The following KMT2E variants were observed in gnomAD, a reference collection of about 807,000 sequenced individuals.
KMT2E encodes the protein lysine methyltransferase 2E (inactive), also known as histone reader KMT2E.
Under a neutral mutation model 184.6 loss-of-function variants are expected in KMT2E, and 30 were observed. That is an observed-to-expected ratio of 0.16 (90% CI 0.12 to 0.22). KMT2E has a LOEUF of 0.22. KMT2E is among the 10% of genes least tolerant of loss of function. The pLI is 1.00. For missense variants in KMT2E, 2,023 were observed against 2,237.4 expected (o/e 0.90, Z 1.93); for synonymous variants, 815 against 776.5 (o/e 1.05, Z -0.82).
intron 20 of KMT2E, 77 bp from the exon 21 acceptor site, chr7:105,107,078 TTTTTCATTTTG>T: frequency 2.6e-6 from 2 of 777,482 alleles, no homozygotes; most frequent in Non-Finnish European, 4.1e-6. Context: ...AGTCTGTATA[TTTTTCATTTTG>T]TTTTCATTTC....
intron 17 of KMT2E, chr7:105,102,849 A>G (rs1798713207): frequency 1.3e-5 from 2 of 152,196 alleles, no homozygotes; most frequent in African/African-American, 2.4e-5. Context: ...TTACTTTGAA[A>G]TTTCATTTAT....
intron 4 of KMT2E, 124 bp from the exon 5 acceptor site, chr7:105,063,227 G>A: frequency 3.0e-6 from 2 of 658,438 alleles, no homozygotes; most frequent in Admixed American, 3.5e-5. Flanking sequence ...TATTAAGGAA[G>A]GAATGAGCCA....
chr7:105,046,902 C>G (rs547246483), intron 3 of KMT2E, among the ~76,000 whole-genome samples: 3 of 152,106 alleles, frequency 2.0e-5, no homozygotes, highest in African/African-American at 7.2e-5. Context: ...ATCCCAAGAC[C>G]GTCCACAGGC....
intron 3 of KMT2E, among the ~76,000 whole-genome samples, chr7:105,046,288 T>G (rs1283003571): frequency 3.3e-5 from 5 of 152,330 alleles, no homozygotes; most frequent in Non-Finnish European, 7.3e-5. Context: ...ATAAGTCATT[T>G]AATTTTCCCA....
At chr7:105,021,155 G>T (rs1298335403) in intron 1 of KMT2E, among the ~76,000 whole-genome samples, 2 of 152,198 alleles carry the variant, frequency 1.3e-5, no homozygotes, top group East Asian at 3.8e-4. Flanking sequence ...GAATGGTTAG[G>T]ACTGTGGTCC....
At chr7:105,083,141 A>C (rs1171843825) in intron 13 of KMT2E, among the ~76,000 whole-genome samples, 1 of 152,012 alleles carries the variant, frequency 6.6e-6, no homozygotes, top group East Asian at 1.9e-4. Context: ...GACACAGTTC[A>C]CTCCAGCAGG....
At chr7:105,109,404 C>T (rs1267164275) in intron 23 of KMT2E, among the ~76,000 whole-genome samples, 176 bp downstream of exon 23, 3 of 152,144 alleles carry the variant, frequency 2.0e-5, no homozygotes, top group Non-Finnish European at 4.4e-5. Flanking sequence ...TCTTAAATGT[C>T]GATTGTATTT....
rs1452411564 is a variant in KMT2E, at chr7:105,087,449, A to G, written c.1359-2560A>G. ...TTTTTTTGTTTTTTTTTTGAGATGG[A>G]GTCTTGCTCTGTCACCCAGGCTGGA... On this transcript the variant is annotated intron_variant, in intron 13 of 26. Coordinates refer to ENST00000311117, the MANE Select transcript of KMT2E (RefSeq NM_182931.3). Among the ~76,000 whole-genome samples, 3 of 144,722 alleles carry G rather than the reference A, an allele frequency of 2.1e-5. No homozygotes were observed. The East Asian group carries it at 6.1e-4, about 29-fold the overall frequency. The allele number at this position is 144,722 out of a possible 152,430, so 94.9% of individuals were successfully genotyped here.
intron 15 of KMT2E, among the ~76,000 whole-genome samples, chr7:105,100,945 T>A (rs1277476980): frequency 6.6e-6 from 1 of 152,162 alleles, no homozygotes; most frequent in East Asian, 1.9e-4. Flanking sequence ...ACTTACCAAA[T>A]GAGAATCATA....
At chr7:105,072,341 AAAC>A (rs1457971171) in intron 6 of KMT2E, among the ~76,000 whole-genome samples, 1 of 152,074 alleles carries the variant, frequency 6.6e-6, no homozygotes, top group Non-Finnish European at 1.5e-5. Flanking sequence ...ACAAAACAAA[AAAC>A]AAAAAAACTT....
chr7:105,028,784 G>A (rs1795277891), intron 1 of KMT2E, among the ~76,000 whole-genome samples: 2 of 152,058 alleles, frequency 1.3e-5, no homozygotes, highest in Non-Finnish European at 2.9e-5. Context: ...GATTACAAGT[G>A]TGAGCCACCG....
chr7:105,024,386 TG>T (rs1795087018), intron 1 of KMT2E, among the ~76,000 whole-genome samples: 1 of 152,204 alleles, frequency 6.6e-6, no homozygotes, highest in African/African-American at 2.4e-5. Flanking sequence ...ACAAGCCCCA[TG>T]ATGAACGAAA....
At chr7:105,076,709 A>G (rs567993183) in intron 9 of KMT2E, among the ~76,000 whole-genome samples, 1 of 152,322 alleles carries the variant, frequency 6.6e-6, no homozygotes, top group Admixed American at 6.5e-5. Flanking sequence ...GTAGAAAAGG[A>G]TAACAAATTT....
intron 1 of KMT2E, among the ~76,000 whole-genome samples, chr7:105,026,334 T>G (rs1226148528): frequency 1.3e-5 from 2 of 152,130 alleles, no homozygotes; most frequent in Non-Finnish European, 2.9e-5. Context: ...AGATTTCAAG[T>G]GGTTCTGGAA....
rs79601231 is a variant in KMT2E, at chr7:105,080,304, T to C, written c.1248+1341T>C. ...TTATATTTTAGTGTGGAGTAGAAAA[T>C]CGTGTTGGTTTTGTTTTTTACATGT... On this transcript the variant is annotated intron_variant, in intron 12 of 26. Coordinates refer to ENST00000311117, the MANE Select transcript of KMT2E (RefSeq NM_182931.3). 2.7e-4 allele frequency among the ~76,000 whole-genome samples: 41 copies of C among 152,236 alleles called. No individual in the cohort carries two copies. In the East Asian group the frequency reaches 6.9e-3, roughly 26 times the overall value.
intron 3 of KMT2E, among the ~76,000 whole-genome samples, chr7:105,051,037 C>T (rs1446380870): frequency 2.6e-5 from 4 of 151,182 alleles, no homozygotes; most frequent in African/African-American, 9.7e-5. Flanking sequence ...TCATCTATTT[C>T]TTTCTTTCCT....
intron 17 of KMT2E, chr7:105,105,064 G>A (rs1798837304): frequency 6.4e-6 from 1 of 156,882 alleles, no homozygotes; most frequent in South Asian, 1.9e-4. Context: ...TACTCGGGAG[G>A]CTGAAGTGGA....
intron 15 of KMT2E, among the ~76,000 whole-genome samples, chr7:105,099,392 G>T (rs1446193413): frequency 6.6e-6 from 1 of 152,044 alleles, no homozygotes; most frequent in African/African-American, 2.4e-5. Context: ...CAGCAGTATT[G>T]GACCACATTA....
intron 15 of KMT2E, among the ~76,000 whole-genome samples, chr7:105,098,405 A>G (rs1049792667): frequency 6.6e-6 from 1 of 151,322 alleles, no homozygotes; most frequent in East Asian, 1.9e-4. Flanking sequence ...ATGTTCCACT[A>G]ATTTTTTTGT....
Sources: allele counts gnomAD v4.1 joint callset (sites outside exome capture counted in the v4.1 genomes callset), GRCh38; gene constraint gnomAD v4.1.1; transcripts MANE v1.5; gene names NCBI Gene and HGNC (gene_info 2026-07-23, HGNC 2026-07-21).